TBC1D22B: variants seen among roughly 807,000 people sequenced by gnomAD.
TBC1D22B encodes the protein chromosome 6 open reading frame 197.
TBC1D22B carries 32 observed loss-of-function variants against 69.1 expected under a neutral mutation model. The ratio of observed to expected loss-of-function variants is 0.46; its 90% CI spans 0.35 to 0.62. TBC1D22B has a LOEUF of 0.62. Among genes scored for constraint, TBC1D22B ranks in the 20% least tolerant of loss-of-function variants. The probability of loss-of-function intolerance (pLI) is 0.00; values close to 1 mark genes in which losing one functional copy is unlikely to be tolerated. For missense variants in TBC1D22B, 462 were observed against 630.9 expected, an observed-to-expected ratio of 0.73 and a Z score of 2.87; for synonymous variants, 206 against 229.8, an observed-to-expected ratio of 0.90 and a Z score of 0.94.
At chr6:37,313,789 T>A in intron 9 of TBC1D22B, 27 bp from the exon 10 acceptor site, 1 of 1,610,972 alleles carries the variant, frequency 6.2e-7, no homozygotes, top group South Asian at 1.1e-5. Context: ...GAGTCCATGT[T>A]CATCCTGGGC....
chr6:37,296,147 A>G (rs1767359432), intron 8 of TBC1D22B, among the ~76,000 whole-genome samples: 1 of 152,344 alleles, frequency 6.6e-6, no homozygotes, highest in African/African-American at 2.4e-5. Context: ...CTGTAATTCC[A>G]GCTACTGGAG....
At chr6:37,272,879 T>A (rs1766538391) in intron 2 of TBC1D22B, among the ~76,000 whole-genome samples, 3 of 152,184 alleles carry the variant, frequency 2.0e-5, no homozygotes, top group Non-Finnish European at 4.4e-5. Flanking sequence ...GAACCGTAAT[T>A]TTGTTCAGAT....
At chr6:37,277,284 G>C (rs953697524) in intron 2 of TBC1D22B, among the ~76,000 whole-genome samples, 1 of 152,150 alleles carries the variant, frequency 6.6e-6, no homozygotes, top group African/African-American at 2.4e-5. Flanking sequence ...TGTTATATTA[G>C]ATGACAGATC....
intron 8 of TBC1D22B, among the ~76,000 whole-genome samples, chr6:37,300,084 C>G (rs896198530): frequency 2.0e-5 from 3 of 150,158 alleles, no homozygotes; most frequent in Admixed American, 2.0e-4. Flanking sequence ...TAACATTTAA[C>G]TTTTTAAATT....
At chr6:37,318,306 G>A (rs184583119) in intron 12 of TBC1D22B, among the ~76,000 whole-genome samples, 244 of 152,290 alleles carry the variant, frequency 1.6e-3, no homozygotes, top group African/African-American at 5.5e-3. Context: ...ACAGAAAGGG[G>A]TGAGTCTGGA....
At chr6:37,294,193 T>C (rs1195962604) in intron 8 of TBC1D22B, among the ~76,000 whole-genome samples, 1 of 152,182 alleles carries the variant, frequency 6.6e-6, no homozygotes, top group Non-Finnish European at 1.5e-5. Flanking sequence ...TATCTGGGAC[T>C]TTCTTTTTTA....
chr6:37,281,925 T>C (rs1766844346), intron 3 of TBC1D22B, among the ~76,000 whole-genome samples: 1 of 152,218 alleles, frequency 6.6e-6, no homozygotes. Context: ...TTCTCAAAAG[T>C]TGCTGCAGCA....
At position 37,313,040 on chromosome 6, in the gene TBC1D22B, C is replaced by T. The variant is rs568647296; in HGVS notation, c.1089+16C>T. 158 of 1,606,012 alleles carry T rather than the reference C, an allele frequency of 9.8e-5. 1 individual carries two copies. The South Asian group carries it at 1.6e-3, about 16-fold the overall frequency. ...TGGAATCCAGGTGAGCTGCTTCTGC[C>T]CTTGTGGGAACAAACGTCTAGGTCC... On this transcript the variant is annotated intron_variant, in intron 9 of 12. Transcript: ENST00000373491.
rs187851344 is a variant in TBC1D22B at position 37,316,684 on chromosome 6, A to G, written c.1166-19A>G. 7.8e-5 allele frequency: 126 copies of G among 1,614,088 alleles called. 1 individual carries two copies. Among genetic ancestry groups the G allele is most frequent in the East Asian group, 7.1e-4 (32 of 44,882 alleles). On this transcript the variant is annotated intron_variant, in intron 10 of 12. Transcript: ENST00000373491. ...GTCCAGTCCCCTAGGTTGATCCCCA[A>G]TGATGCTTCCTGTTTCAGAGCAGGT...
chr6:37,301,723 G>A (rs1767578189), intron 8 of TBC1D22B, among the ~76,000 whole-genome samples: 1 of 152,122 alleles, frequency 6.6e-6, no homozygotes. Flanking sequence ...CAACATTGTG[G>A]CCAGCAAGCA....
chr6:37,272,150 C>T (rs1022011256), intron 2 of TBC1D22B, among the ~76,000 whole-genome samples: 11 of 151,198 alleles, frequency 7.3e-5, no homozygotes, highest in Non-Finnish European at 1.6e-4. Flanking sequence ...CTGCAGCCTC[C>T]GCCTCCTGGG....
At chr6:37,287,834 TG>T (rs1254374207) in intron 7 of TBC1D22B, among the ~76,000 whole-genome samples, 1 of 152,218 alleles carries the variant, frequency 6.6e-6, no homozygotes, top group Non-Finnish European at 1.5e-5. Flanking sequence ...GCTGCTAGTA[TG>T]GGTATGTGAA....
rs577816558 is a variant in TBC1D22B, at chr6:37,329,239, A to G, written c.1390-1805A>G. On this transcript the variant is annotated intron_variant, in intron 12 of 12. Transcript: ENST00000373491. The stretch of plus-strand genomic sequence containing the variant: ...TTTTTTCTTTTACCTAAGTGGGATC[A>G]TACTGTAAATATTGTTCTGCAACTG... Among the ~76,000 whole-genome samples, 3 of 152,340 alleles carry G rather than the reference A, an allele frequency of 2.0e-5. No homozygotes were observed. The South Asian group carries it at 6.2e-4, about 32-fold the overall frequency.
At chr6:37,260,804 T>C (rs1326376400) in intron 1 of TBC1D22B, among the ~76,000 whole-genome samples, 1 of 152,234 alleles carries the variant, frequency 6.6e-6, no homozygotes, top group Non-Finnish European at 1.5e-5. Context: ...GTCCACGCTG[T>C]AGTATGTATC....
chr6:37,259,396 C>G (rs1250886134), intron 1 of TBC1D22B, among the ~76,000 whole-genome samples: 2 of 152,058 alleles, frequency 1.3e-5, no homozygotes, highest in Non-Finnish European at 1.5e-5. Flanking sequence ...GTTGTGCTAA[C>G]TGCTATTCTC....
intron 2 of TBC1D22B, among the ~76,000 whole-genome samples, chr6:37,272,151 G>A (rs1328708166): frequency 4.0e-5 from 6 of 150,980 alleles, no homozygotes; most frequent in Non-Finnish European, 5.9e-5. Flanking sequence ...TGCAGCCTCC[G>A]CCTCCTGGGC....
At position 37,257,869 on chromosome 6, in the gene TBC1D22B, G is replaced by A; in HGVS notation, c.-49G>A. The stretch of plus-strand genomic sequence containing the variant: ...AGATTGCGGGGTCTGGGGGCATCTC[G>A]CCGGGCAAACCCTTGGCCCGCCTAC... On this transcript the variant is annotated 5_prime_UTR_variant, in exon 1 of 13. Transcript: ENST00000373491. The A allele has an allele frequency of 6.3e-7, 1 of 1,596,672 alleles. No individual in the cohort carries two copies. The highest frequency in any genetic ancestry group is 8.5e-7 in the Non-Finnish European group (1 of 1,171,024).
intron 8 of TBC1D22B, among the ~76,000 whole-genome samples, chr6:37,308,623 A>T (rs1318433554): frequency 6.6e-6 from 1 of 152,152 alleles, no homozygotes; most frequent in Non-Finnish European, 1.5e-5. Context: ...GATGGCTAAC[A>T]GTTTGGAGTG....
chr6:37,263,613 C>G (rs1288562977), intron 1 of TBC1D22B, among the ~76,000 whole-genome samples: 1 of 152,154 alleles, frequency 6.6e-6, no homozygotes, highest in Non-Finnish European at 1.5e-5. Context: ...GACATGGAGT[C>G]TTACTCTGTT....
Sources: gnomAD v4.1 joint callset for allele counts (sites outside exome capture counted in the v4.1 genomes callset) on GRCh38, gnomAD v4.1.1 for gene constraint, MANE v1.5 for transcripts, NCBI Gene and HGNC (gene_info 2026-07-23, HGNC 2026-07-21) for gene names.